The following DNAH9 variants were observed in gnomAD, a reference collection of about 807,000 sequenced individuals.
DNAH9 encodes the protein dynein axonemal heavy chain 9, also known as DNAH9 variant protein.
In DNAH9, 345 loss-of-function variants were observed where a neutral mutation model predicts 471.6. The ratio of observed to expected loss-of-function variants is 0.73; its 90% confidence interval spans 0.67 to 0.80. The LOEUF (loss-of-function observed/expected upper bound fraction) is 0.80, where lower values mean the gene tolerates loss of function less well. Ranked by LOEUF, DNAH9 falls within the 30% of genes least tolerant of loss-of-function variation. The pLI, the probability that DNAH9 is intolerant of heterozygous loss-of-function variation, is 0.00. For synonymous variants in DNAH9, 2,093 were observed against 2,123.6 expected, an observed-to-expected ratio of 0.99 and a Z score of 0.40; for missense variants, 5,407 against 5,609.2, an observed-to-expected ratio of 0.96 and a Z score of 1.15.
intron 17 of DNAH9, 64 bp downstream of exon 17, chr17:11,669,858 C>A (rs1439781737): frequency 5.8e-6 from 8 of 1,383,840 alleles, no homozygotes; most frequent in Non-Finnish European, 8.0e-6. Flanking sequence ...TGTTTTTAAA[C>A]CTTTTTTATA....
chr17:11,689,153 C>T (rs1261501959), intron 19 of DNAH9, among the ~76,000 whole-genome samples: 1 of 152,036 alleles, frequency 6.6e-6, no homozygotes, highest in Non-Finnish European at 1.5e-5. Flanking sequence ...AGGTTCCTGG[C>T]AAGGCCCTTG....
In DNAH9 at chr17:11,778,329, C is replaced by CAAA. The variant is rs57983162; in HGVS notation, c.7553-2649_7553-2647dup. 2.5e-3 allele frequency among the ~76,000 whole-genome samples: 123 copies of CAAA among 48,620 alleles called. 2 individuals are homozygous for CAAA. Among genetic ancestry groups the CAAA allele is most frequent in the Admixed American group, 5.3e-3 (13 of 2,430 alleles). 31.9% of individuals were successfully genotyped at this position (48,620 alleles called of 152,430 possible). A position where few individuals can be genotyped will look rare whatever the true frequency, so the allele number is the denominator to read the frequency against. ...TGGGCGACAGAGTGAGACTCCATCTCAAAAAAAAAAAAAAAAAAAAAAAAA... is the reference window on the plus strand; with the variant it reads ...TGGGCGACAGAGTGAGACTCCATCTCAAAAAAAAAAAAAAAAAAAAAAAAAAAA... On this transcript the variant is annotated intron_variant, in intron 38 of 68. Coordinates refer to ENST00000262442, the MANE Select transcript of DNAH9 (RefSeq NM_001372.4).
intron 48 of DNAH9, among the ~76,000 whole-genome samples, chr17:11,829,376 T>C (rs1235708303): frequency 6.6e-6 from 1 of 152,216 alleles, no homozygotes; most frequent in Non-Finnish European, 1.5e-5. Flanking sequence ...TTAGCAATGA[T>C]AATTGTGTTA....
Position 11,844,551 on chromosome 17 carries a change from G to A in DNAH9, c.9508-9452G>A, listed in dbSNP as rs529456532. ...CTCCAGGGTAGCTGGGATTGCAGGCGCACACCACCATGCCCGACTAATTTT... is the reference window on the plus strand; with the variant it reads ...CTCCAGGGTAGCTGGGATTGCAGGCACACACCACCATGCCCGACTAATTTT... On this transcript the variant is annotated intron_variant, in intron 49 of 68. Transcript: ENST00000262442. Among the ~76,000 whole-genome samples the A allele has an allele frequency of 5.3e-5, 8 of 152,026 alleles. No homozygotes were observed. In the South Asian group the frequency reaches 6.2e-4, roughly 12 times the overall value.
intron 27 of DNAH9, among the ~76,000 whole-genome samples, chr17:11,727,424 G>A (rs184044909): frequency 4.1e-4 from 62 of 152,232 alleles, no homozygotes; most frequent in Non-Finnish European, 7.8e-4. Context: ...GGGTGGTTGG[G>A]CATAAATTTA....
intron 26 of DNAH9, among the ~76,000 whole-genome samples, chr17:11,711,623 A>G (rs1053762889): frequency 3.3e-5 from 5 of 151,376 alleles, no homozygotes; most frequent in African/African-American, 4.9e-5. Flanking sequence ...TTTTTTTAGC[A>G]CTTCTGTTTC....
chr17:11,719,206 C>A, intron 26 of DNAH9, 128 bp from the exon 27 acceptor site: 1 of 875,570 alleles, frequency 1.1e-6, no homozygotes, highest in Non-Finnish European at 1.7e-6. Flanking sequence ...CTGTGGGGAG[C>A]GGGAAAAAGG....
At chr17:11,787,486 T>G (rs919252258) in intron 41 of DNAH9, among the ~76,000 whole-genome samples, 2 of 152,180 alleles carry the variant, frequency 1.3e-5, no homozygotes, top group Admixed American at 6.5e-5. Flanking sequence ...AAAGGCCTGA[T>G]TGAAGGGTAT....
rs71142253 is a variant in DNAH9 at position 11,926,035 on chromosome 17, G to GAAAA, written c.11877+2118_11877+2121dup. Among the ~76,000 whole-genome samples, 271 of 59,926 alleles carry GAAAA rather than the reference G, an allele frequency of 4.5e-3. 25 individuals carry two copies. Among genetic ancestry groups the GAAAA allele is most frequent in the East Asian group, 0.029 (48 of 1,652 alleles). 39.3% of individuals were successfully genotyped at this position (59,926 alleles called of 152,430 possible). A position where few individuals can be genotyped will look rare whatever the true frequency, so the allele number is the denominator to read the frequency against. On this transcript the variant is annotated intron_variant, in intron 62 of 68. Transcript: ENST00000262442. ...AGCCTGTAAACCTGAGAGATTCTCT[G>GAAAA]AAAAAAAAAAAAAAAAAAAAAAAAA...
chr17:11,744,926 A>G lies in DNAH9; in HGVS notation c.6241A>G (p.Lys2081Glu). The G allele has an allele frequency of 1.2e-6, 2 of 1,614,174 alleles. No individual in the cohort carries two copies. Among genetic ancestry groups the G allele is most frequent in the Non-Finnish European group, 1.7e-6 (2 of 1,180,030 alleles). ...CTCCTTGCGGGATTTCAACATCCCC[A>G]AGATTGTGACTGATGACATGCCCAT... Reference protein sequence around the residue: ...MRSLRDFNIPKIVTDDMPIFM... With the variant: ...MRSLRDFNIPEIVTDDMPIFM... The change falls in exon 31 of 69, where the codon AAG (lysine) becomes GAG (glutamate). Residue 2081 changes from lysine (K) to glutamate (E), a missense_variant. This residue lies in a region of DNAH9 where 4,636 missense variants were observed against 4,900.3 expected (regional missense o/e 0.95). Coordinates refer to ENST00000262442, the MANE Select transcript of DNAH9 (RefSeq NM_001372.4).
chr17:11,705,232 A>T, intron 26 of DNAH9, 47 bp downstream of exon 26: 1 of 1,568,818 alleles, frequency 6.4e-7, no homozygotes, highest in Non-Finnish European at 8.8e-7. Context: ...TGTCTGGTTC[A>T]GGCCAGCTAG....
intron 61 of DNAH9, among the ~76,000 whole-genome samples, chr17:11,918,611 A>G (rs922871010): frequency 2.0e-5 from 3 of 152,150 alleles, no homozygotes; most frequent in African/African-American, 7.2e-5. Flanking sequence ...GGATTCATGG[A>G]GTATTGTTTT....
intron 22 of DNAH9, among the ~76,000 whole-genome samples, chr17:11,696,579 G>A (rs551082918): frequency 8.5e-4 from 129 of 152,184 alleles, no homozygotes; most frequent in African/African-American, 2.8e-3. Flanking sequence ...CTCAAACAGA[G>A]CCAAAGGATG....
intron 40 of DNAH9, 108 bp downstream of exon 40, chr17:11,783,856 A>G: frequency 1.2e-6 from 1 of 852,984 alleles, no homozygotes; most frequent in African/African-American, 1.7e-5. Flanking sequence ...GCCTCTCAGA[A>G]TGGTAAATCA....
chr17:11,950,265 TG>T (rs1975316264), intron 67 of DNAH9, among the ~76,000 whole-genome samples: 1 of 152,228 alleles, frequency 6.6e-6, no homozygotes, highest in Non-Finnish European at 1.5e-5. Context: ...TAGTTTACAT[TG>T]GGGTTCATTC....
intron 43 of DNAH9, among the ~76,000 whole-genome samples, chr17:11,802,494 T>C (rs1169832391): frequency 1.3e-5 from 2 of 152,028 alleles, no homozygotes; most frequent in East Asian, 1.9e-4. Context: ...TAGCCAGGCA[T>C]GGTGGCAGAC....
intron 56 of DNAH9, 48 bp downstream of exon 56, chr17:11,883,798 T>A: frequency 6.4e-7 from 1 of 1,574,220 alleles, no homozygotes; most frequent in African/African-American, 1.4e-5. Flanking sequence ...GCTGGGGTCC[T>A]CCTACAATTT....
intron 4 of DNAH9, among the ~76,000 whole-genome samples, chr17:11,616,100 A>G (rs1391150849): frequency 1.7e-4 from 26 of 152,196 alleles, no homozygotes; most frequent in Non-Finnish European, 8.8e-5. Context: ...GTTCAATGTA[A>G]TAAACTCTGG....
At chr17:11,599,116 T>G in intron 1 of DNAH9, among the ~76,000 whole-genome samples, 3 of 148,418 alleles carry the variant, frequency 2.0e-5, no homozygotes, top group Admixed American at 6.7e-5. Context: ...GAAAATGGGA[T>G]GGGGTTAGGG....
Sources: gnomAD v4.1 joint callset for allele counts (sites outside exome capture counted in the v4.1 genomes callset) on GRCh38, gnomAD v4.1.1 for gene constraint, gnomAD v4.1.1 regional missense constraint, MANE v1.5 for transcripts, NCBI Gene and HGNC (gene_info 2026-07-23, HGNC 2026-07-21) for gene names.